TMEM178B: variants seen among roughly 807,000 people sequenced by gnomAD.
TMEM178B encodes the protein transmembrane protein 178B.
Under a neutral mutation model 31.0 loss-of-function variants are expected in TMEM178B, and 5 were observed. The ratio of observed to expected loss-of-function variants is 0.16; its 90% CI spans 0.08 to 0.34. The LOEUF is 0.34. Ranked by LOEUF, TMEM178B falls within the 10% of genes least tolerant of loss-of-function variation. The pLI is 1.00. For synonymous variants in TMEM178B, 164 were observed against 164.0 expected, an observed-to-expected ratio of 1.00 and a Z score of 0.00; for missense variants, 275 against 400.3, an observed-to-expected ratio of 0.69 and a Z score of 2.67.
At chr7:141,231,462 A>T (rs192582005) in intron 2 of TMEM178B, among the ~76,000 whole-genome samples, 1 of 152,352 alleles carries the variant, frequency 6.6e-6, no homozygotes, top group East Asian at 1.9e-4. Context: ...AACCTGAAAA[A>T]AAAATTGCTG....
At chr7:141,213,420 G>A (rs372063961) in intron 2 of TMEM178B, among the ~76,000 whole-genome samples, 1 of 152,174 alleles carries the variant, frequency 6.6e-6, no homozygotes, top group Admixed American at 6.5e-5. Context: ...TGGCAGGAGA[G>A]CTCTGCTTCC....
chr7:141,437,273 A>G (rs971535281), intron 2 of TMEM178B, among the ~76,000 whole-genome samples: 1 of 152,202 alleles, frequency 6.6e-6, no homozygotes, highest in South Asian at 2.1e-4. Flanking sequence ...ATAGGAATAA[A>G]GATAGTACCT....
intron 2 of TMEM178B, among the ~76,000 whole-genome samples, chr7:141,248,343 G>A (rs968706649): frequency 1.3e-5 from 2 of 152,126 alleles, no homozygotes; most frequent in South Asian, 2.1e-4. Flanking sequence ...CCTGGGAGGC[G>A]GAGGTTGTAG....
intron 2 of TMEM178B, among the ~76,000 whole-genome samples, chr7:141,411,455 G>A (rs931237751): frequency 3.3e-5 from 5 of 152,094 alleles, no homozygotes; most frequent in Admixed American, 6.5e-5. Context: ...TTTAAAGGGG[G>A]AGGAAGGAAC....
intron 3 of TMEM178B, among the ~76,000 whole-genome samples, chr7:141,468,610 A>G (rs1314770050): frequency 6.6e-6 from 1 of 152,164 alleles, no homozygotes; most frequent in Non-Finnish European, 1.5e-5. Flanking sequence ...GAGTTGTTTT[A>G]TGAATTAAGG....
Position 141,215,337 on chromosome 7 carries a change from A to ATTATTTTTT in TMEM178B, c.496+2635_496+2636insATTTTTTTT, listed in dbSNP as rs55726735. Among the ~76,000 whole-genome samples, 89 of 141,554 alleles carry ATTATTTTTT rather than the reference A, an allele frequency of 6.3e-4. 1 individual carries two copies. The highest frequency in any genetic ancestry group is 3.7e-3 in the East Asian group (18 of 4,820). 92.9% of individuals were successfully genotyped at this position (141,554 alleles called of 152,430 possible). A position where few individuals can be genotyped will look rare whatever the true frequency, so the allele number is the denominator to read the frequency against. On this transcript the variant is annotated intron_variant, in intron 2 of 3. Coordinates refer to ENST00000565468, the MANE Select transcript of TMEM178B (RefSeq NM_001195278.2). ...CATCTTTATTATTATTATTATTATT[A>ATTATTTTTT]TTTTTTGAGATGGAGTCTCACTCTG...
intron 2 of TMEM178B, among the ~76,000 whole-genome samples, chr7:141,418,400 A>G (rs887462166): frequency 9.2e-5 from 14 of 152,028 alleles, no homozygotes; most frequent in African/African-American, 3.1e-4. Context: ...GCCACGCAGG[A>G]AAAAAAACAT....
chr7:141,411,419 A>G (rs529990330), intron 2 of TMEM178B, among the ~76,000 whole-genome samples: 1 of 152,308 alleles, frequency 6.6e-6, no homozygotes, highest in East Asian at 1.9e-4. Context: ...AAAATGGTAA[A>G]TTTTATGTTA....
intron 2 of TMEM178B, among the ~76,000 whole-genome samples, chr7:141,216,824 G>A (rs1797160097): frequency 6.6e-6 from 1 of 151,982 alleles, no homozygotes; most frequent in Non-Finnish European, 1.5e-5. Flanking sequence ...GTGGGCTGTG[G>A]TGTGGTGCGG....
intron 1 of TMEM178B, among the ~76,000 whole-genome samples, chr7:141,080,455 A>C (rs1355788721): frequency 6.6e-6 from 1 of 152,228 alleles, no homozygotes; most frequent in African/African-American, 2.4e-5. Flanking sequence ...CCCTGTGTCT[A>C]CAGAAAATAC....
chr7:141,388,716 A>G (rs765774317), intron 2 of TMEM178B, among the ~76,000 whole-genome samples: 2 of 152,218 alleles, frequency 1.3e-5, no homozygotes, highest in Non-Finnish European at 2.9e-5. Context: ...TGGCTTTCAC[A>G]TGTTCAACTC....
chr7:141,416,314 CTT>C (rs1407089879), intron 2 of TMEM178B: 2 of 152,702 alleles, frequency 1.3e-5, no homozygotes, highest in African/African-American at 2.4e-5. Context: ...GGCCCTGACT[CTT>C]TTTCTTTTCC....
intron 1 of TMEM178B, among the ~76,000 whole-genome samples, chr7:141,130,566 T>C (rs1795578016): frequency 6.6e-6 from 1 of 152,238 alleles, no homozygotes; most frequent in Non-Finnish European, 1.5e-5. Flanking sequence ...CCACAATTTA[T>C]TTATCCATTC....
chr7:141,299,892 G>A (rs190248389), intron 2 of TMEM178B, among the ~76,000 whole-genome samples: 10 of 152,118 alleles, frequency 6.6e-5, no homozygotes, highest in South Asian at 4.2e-4. Flanking sequence ...TCAAGTGATC[G>A]TCCCACCTTA....
chr7:141,456,859 A>G (rs1801973011), intron 3 of TMEM178B, among the ~76,000 whole-genome samples: 1 of 152,186 alleles, frequency 6.6e-6, no homozygotes, highest in African/African-American at 2.4e-5. Flanking sequence ...CAGCTTGAGG[A>G]TGCTCCTTAC....
chr7:141,283,175 A>G (rs1798393381), intron 2 of TMEM178B, among the ~76,000 whole-genome samples: 1 of 152,150 alleles, frequency 6.6e-6, no homozygotes, highest in African/African-American at 2.4e-5. Flanking sequence ...TCTTTCCCAA[A>G]TGCACTGGCT....
chr7:141,247,854 T>C (rs1797763600), intron 2 of TMEM178B, among the ~76,000 whole-genome samples: 2 of 152,162 alleles, frequency 1.3e-5, no homozygotes, highest in Non-Finnish European at 2.9e-5. Flanking sequence ...TTATCTGAAA[T>C]TCAAATTGAA....
chr7:141,227,808 G>C (rs1209129072), intron 2 of TMEM178B, among the ~76,000 whole-genome samples: 1 of 152,212 alleles, frequency 6.6e-6, no homozygotes, highest in Non-Finnish European at 1.5e-5. Context: ...CAGGGATTCT[G>C]AGGAGTATGG....
At chr7:141,436,283 A>T (rs1306082548) in intron 2 of TMEM178B, among the ~76,000 whole-genome samples, 1 of 152,092 alleles carries the variant, frequency 6.6e-6, no homozygotes, top group Non-Finnish European at 1.5e-5. Flanking sequence ...TTGAGAAAAG[A>T]TTGTCCAGGC....
Sources: gnomAD v4.1 joint callset for allele counts (sites outside exome capture counted in the v4.1 genomes callset) on GRCh38, gnomAD v4.1.1 for gene constraint, MANE v1.5 for transcripts, NCBI Gene and HGNC (gene_info 2026-07-23, HGNC 2026-07-21) for gene names.